The following BMP8B variants were observed in gnomAD, a reference collection of about 807,000 sequenced individuals.
BMP8B encodes the protein bone morphogenetic protein 8b, also known as bone morphogenetic protein 8 (osteogenic protein 2).
In BMP8B, 17 loss-of-function variants were observed where a neutral mutation model predicts 30.3. The observed-to-expected ratio is 0.56, with a 90% CI of 0.38 to 0.84. The LOEUF (loss-of-function observed/expected upper bound fraction) is 0.84, where lower values mean the gene tolerates loss of function less well. BMP8B is among the 40% of genes least tolerant of loss of function. BMP8B has a pLI of 0.00. For synonymous variants in BMP8B, 131 were observed against 214.7 expected (o/e 0.61, Z 3.41); for missense variants, 253 against 494.6 (o/e 0.51, Z 4.63).
intron 1 of BMP8B, among the ~76,000 whole-genome samples, chr1:39,781,806 G>A (rs1200304720): frequency 6.6e-6 from 1 of 152,156 alleles, no homozygotes; most frequent in East Asian, 1.9e-4. Flanking sequence ...GTTGGATGGT[G>A]GGTGTCCCCA....
chr1:39,764,063 C>T, intron 4 of BMP8B: 1 of 449,310 alleles, frequency 2.2e-6, no homozygotes, highest in South Asian at 3.1e-5. Flanking sequence ...CAGTAAACAG[C>T]CCAGCAGGAC....
Position 39,763,174 on chromosome 1 carries a change from G to C in BMP8B, c.977C>G (p.Ser326Trp). The change falls in exon 6 of 7, where the codon TCG becomes TGG. Residue 326 changes from serine (S) to tryptophan (W), a missense_variant. Transcript: ENST00000372827. Reference protein sequence around the residue: ...LDWVIAPQGYSAYYCEGECSF... With the variant: ...LDWVIAPQGYWAYYCEGECSF... ...GCACTCCCCCTCACAGTAATAGGCC[G>C]AGTAGCCTTGGGGAGCGATGACCCA... The C allele has an allele frequency of 6.2e-7, 1 of 1,613,774 alleles. No homozygotes were observed. The highest frequency in any genetic ancestry group is 8.5e-7 in the Non-Finnish European group (1 of 1,179,894).
chr1:39,783,603 T>TAA (rs910382528), intron 1 of BMP8B, among the ~76,000 whole-genome samples: 2 of 151,898 alleles, frequency 1.3e-5, no homozygotes, highest in African/African-American at 4.8e-5. Context: ...CGTATGCAGT[T>TAA]AAAAAAAAGA....
chr1:39,779,023 T>C (rs1405709885), intron 1 of BMP8B, among the ~76,000 whole-genome samples: 3 of 152,108 alleles, frequency 2.0e-5, no homozygotes, highest in African/African-American at 7.2e-5. Context: ...AGGGTTAGAT[T>C]AGAGGCCCGT....
chr1:39,786,604 G>C (rs1429675521), intron 1 of BMP8B, among the ~76,000 whole-genome samples: 1 of 152,150 alleles, frequency 6.6e-6, no homozygotes, highest in Non-Finnish European at 1.5e-5. Flanking sequence ...CATTCTGATG[G>C]GCGGCTCCCT....
intron 3 of BMP8B, chr1:39,771,208 G>A (rs547878500): frequency 6.5e-6 from 10 of 1,529,638 alleles, no homozygotes; most frequent in South Asian, 1.2e-5. Context: ...AGCCGCCGGC[G>A]GGGACCCCGC....
At chr1:39,768,588 C>A (rs1649752067) in intron 3 of BMP8B, among the ~76,000 whole-genome samples, 1 of 149,968 alleles carries the variant, frequency 6.7e-6, no homozygotes. Context: ...AGGCTGGGTG[C>A]AATGGCTCAA....
In BMP8B at chr1:39,759,026, G is replaced by C. The variant is rs3895180; in HGVS notation, c.*1393C>G. On this transcript the variant is annotated 3_prime_UTR_variant, in exon 7 of 7. Coordinates refer to ENST00000372827, the MANE Select transcript of BMP8B (RefSeq NM_001720.5). The stretch of plus-strand genomic sequence containing the variant: ...GGCTGTGCCTGTGGATGGGGCGGGC[G>C]CAGGATCTGCTTTTAATGACACGGT... 2.6e-5 allele frequency: 4 copies of C among 152,296 alleles called. No individual in the cohort carries two copies. Among genetic ancestry groups the C allele is most frequent in the South Asian group, 2.1e-4 (1 of 4,834 alleles). The allele number at this position is 152,296 out of a possible 1,614,324, so 9.4% of individuals were successfully genotyped here.
rs552879087 is a variant in BMP8B at position 39,775,055 on chromosome 1, C to T, written c.335-17G>A. On this transcript the variant is annotated splice_polypyrimidine_tract_variant and intron_variant, in intron 1 of 6. Transcript: ENST00000372827. ...CTCGCTCCACTAGAAGACAAAGCAG[C>T]GCTGGGCTGGCACTCAGAATGGCTC... 1.4e-4 allele frequency: 152 copies of T among 1,118,316 alleles called. No homozygotes were observed. Among genetic ancestry groups the T allele is most frequent in the East Asian group, 1.2e-3 (46 of 39,098 alleles). The allele number at this position is 1,118,316 out of a possible 1,614,324, so 69.3% of individuals were successfully genotyped here. A position where few individuals can be genotyped will look rare whatever the true frequency, so the allele number is the denominator to read the frequency against.
At chr1:39,779,151 T>C (rs556754645) in intron 1 of BMP8B, among the ~76,000 whole-genome samples, 2 of 152,256 alleles carry the variant, frequency 1.3e-5, no homozygotes, top group Admixed American at 6.5e-5. Flanking sequence ...GGCCCTCCTA[T>C]CAACAGACAC....
chr1:39,778,732 A>G (rs2780923), intron 1 of BMP8B, among the ~76,000 whole-genome samples: 121,761 of 152,210 alleles, frequency 0.8, 49,285 homozygotes, highest in African/African-American at 0.93. Flanking sequence ...CAGGAGATGT[A>G]AGCAAGAAAG....
intron 6 of BMP8B, 56 bp downstream of exon 6, chr1:39,763,036 C>T: frequency 1.3e-6 from 2 of 1,588,114 alleles, no homozygotes; most frequent in East Asian, 2.2e-5. Flanking sequence ...GGACCAGACC[C>T]CTCTCCACAG....
chr1:39,766,055 A>G (rs1649592815), intron 3 of BMP8B, among the ~76,000 whole-genome samples: 1 of 152,042 alleles, frequency 6.6e-6, no homozygotes, highest in Admixed American at 6.5e-5. Flanking sequence ...AACAAAACAC[A>G]AAACTTTTTC....
At chr1:39,764,256 T>C (rs1425078803) in intron 4 of BMP8B, among the ~76,000 whole-genome samples, 1 of 152,154 alleles carries the variant, frequency 6.6e-6, no homozygotes, top group African/African-American at 2.4e-5. Context: ...CTTGGCCCAG[T>C]TGGGGAGAAA....
At chr1:39,785,395 C>T (rs1650901071) in intron 1 of BMP8B, among the ~76,000 whole-genome samples, 1 of 150,850 alleles carries the variant, frequency 6.6e-6, no homozygotes. Context: ...CCAGGCAGGG[C>T]CCCGGCTCTG....
In BMP8B at chr1:39,760,337, T is replaced by C; in HGVS notation, c.*82A>G. ...CCTGGCAATGCCCCGGCCTGGGGTC[T>C]GGCTGGGTTTGAGGGTTTCCTGCTT... On this transcript the variant is annotated 3_prime_UTR_variant, in exon 7 of 7. Transcript: ENST00000372827. 1 of 1,582,910 alleles carries C rather than the reference T, an allele frequency of 6.3e-7. No individual in the cohort carries two copies. Among genetic ancestry groups the C allele is most frequent in the Non-Finnish European group, 8.6e-7 (1 of 1,166,354 alleles).
intron 1 of BMP8B, among the ~76,000 whole-genome samples, chr1:39,777,584 A>G (rs1412686613): frequency 1.3e-5 from 2 of 152,212 alleles, no homozygotes; most frequent in African/African-American, 2.4e-5. Context: ...CCTCAGCCCA[A>G]CATCAACAAG....
rs150725584 is a variant in BMP8B at position 39,761,297 on chromosome 1, G to A, written c.1060-729C>T. On this transcript the variant is annotated intron_variant, in intron 6 of 6. Transcript: ENST00000372827. Reference sequence around the variant, plus strand: ...CTCCTCTTGCCTCCTCCCTTCCCTGGGAGCAGCCCCTGGCTCAACCTCCAC... The same window carrying A: ...CTCCTCTTGCCTCCTCCCTTCCCTGAGAGCAGCCCCTGGCTCAACCTCCAC... 1.8e-3 allele frequency: 268 copies of A among 152,776 alleles called. 2 individuals carry two copies. The highest frequency in any genetic ancestry group is 7.9e-3 in the East Asian group (41 of 5,166). 9.5% of individuals were successfully genotyped at this position (152,776 alleles called of 1,614,324 possible).
chr1:39,786,805 G>C (rs533646461), intron 1 of BMP8B, among the ~76,000 whole-genome samples: 12 of 152,348 alleles, frequency 7.9e-5, no homozygotes, highest in East Asian at 5.8e-4. Context: ...GGCACTGGGC[G>C]CTCAGTGATG....
Sources: gnomAD v4.1 joint callset for allele counts (sites outside exome capture counted in the v4.1 genomes callset) on GRCh38, gnomAD v4.1.1 for gene constraint, MANE v1.5 for transcripts, NCBI Gene and HGNC (gene_info 2026-07-23, HGNC 2026-07-21) for gene names.